The following MSI2 variants were observed in gnomAD, a reference collection of about 807,000 sequenced individuals.
MSI2 encodes the protein RNA-binding protein Musashi homolog 2.
In MSI2, 17 loss-of-function variants were observed where a neutral mutation model predicts 45.6. The observed-to-expected ratio is 0.37, with a 90% CI of 0.26 to 0.56. The LOEUF (loss-of-function observed/expected upper bound fraction) is 0.56. MSI2 is among the 20% of genes least tolerant of loss of function. MSI2 has a pLI of 0.77. For missense variants in MSI2, 293 were observed against 444.2 expected (o/e 0.66, Z 3.06); for synonymous variants, 156 against 158.2 (o/e 0.99, Z 0.11).
chr17:57,599,753 G>A (rs970433759), intron 8 of MSI2, among the ~76,000 whole-genome samples: 1 of 152,222 alleles, frequency 6.6e-6, no homozygotes, highest in African/African-American at 2.4e-5. Flanking sequence ...TCCAAGGTGG[G>A]GAGTTTAGAG....
chr17:57,482,515 G>A (rs1422142371), intron 6 of MSI2, among the ~76,000 whole-genome samples: 2 of 152,186 alleles, frequency 1.3e-5, no homozygotes, highest in Non-Finnish European at 2.9e-5. Flanking sequence ...TGTCATTCGT[G>A]TACATGGCGT....
chr17:57,489,854 A>G (rs1337647698), intron 6 of MSI2, among the ~76,000 whole-genome samples: 2 of 152,232 alleles, frequency 1.3e-5, no homozygotes, highest in Non-Finnish European at 2.9e-5. Flanking sequence ...TCTAAGTCCA[A>G]GTATCTCTTG....
At chr17:57,285,325 C>T (rs1472788269) in intron 5 of MSI2, among the ~76,000 whole-genome samples, 2 of 152,176 alleles carry the variant, frequency 1.3e-5, no homozygotes, top group African/African-American at 2.4e-5. Context: ...CTTCCAATAG[C>T]TTAGAGCAAA....
intron 12 of MSI2, among the ~76,000 whole-genome samples, chr17:57,675,547 C>A (rs531508571): frequency 6.6e-6 from 1 of 152,198 alleles, no homozygotes; most frequent in African/African-American, 2.4e-5. Flanking sequence ...CCTTGATCCC[C>A]GCTTTCTGGA....
chr17:57,551,871 G>A (rs2087314728), intron 7 of MSI2, among the ~76,000 whole-genome samples: 2 of 152,308 alleles, frequency 1.3e-5, no homozygotes, highest in East Asian at 1.9e-4. Context: ...GACCGCTCCT[G>A]TAGAAAGAGA....
At chr17:57,413,359 A>G (rs1333366590) in intron 6 of MSI2, among the ~76,000 whole-genome samples, 1 of 152,076 alleles carries the variant, frequency 6.6e-6, no homozygotes, top group South Asian at 2.1e-4. Context: ...CTCGAGTTCC[A>G]TCCGGCTACC....
chr17:57,653,890 A>T (rs1300249577), intron 11 of MSI2, among the ~76,000 whole-genome samples: 3 of 143,588 alleles, frequency 2.1e-5, no homozygotes, highest in Non-Finnish European at 1.5e-5. Flanking sequence ...TGGGAGTCCC[A>T]CCCATCCCTC....
At chr17:57,543,936 T>G (rs2087108326) in intron 7 of MSI2, among the ~76,000 whole-genome samples, 1 of 152,358 alleles carries the variant, frequency 6.6e-6, no homozygotes, top group Admixed American at 6.5e-5. Flanking sequence ...ATGTTTTTAT[T>G]TATTATGAAT....
rs1302536109 is a variant in MSI2 at position 57,280,186 on chromosome 17, C to T, written c.312+17994C>T. Among the ~76,000 whole-genome samples the T allele has an allele frequency of 6.6e-6, 1 of 152,022 alleles. No homozygotes were observed. Among genetic ancestry groups the T allele is most frequent in the Non-Finnish European group, 1.5e-5 (1 of 68,002 alleles). ...AGGAGGACAGGGGGACAGGCGAGGTCACACTTGCGTTGGCGGGGATAAAAA... is the reference window on the plus strand; with the variant it reads ...AGGAGGACAGGGGGACAGGCGAGGTTACACTTGCGTTGGCGGGGATAAAAA... On this transcript the variant is annotated intron_variant, in intron 5 of 13. Transcript: ENST00000284073. This position sits in a 1 kb window ranked among gnomAD's most constrained non-coding sequence, Gnocchi z 4.2.
chr17:57,421,609 G>T (rs746066891), intron 6 of MSI2, among the ~76,000 whole-genome samples: 28 of 152,298 alleles, frequency 1.8e-4, no homozygotes, highest in Non-Finnish European at 2.4e-4. Flanking sequence ...TAGTCCTGGT[G>T]CAGTGGCTCA....
intron 6 of MSI2, among the ~76,000 whole-genome samples, chr17:57,499,587 T>G: frequency 6.6e-6 from 1 of 152,228 alleles, no homozygotes; most frequent in Non-Finnish European, 1.5e-5. Context: ...TATCTATTGA[T>G]GCATAACAAA....
At chr17:57,265,498 T>G (rs764050551) in intron 5 of MSI2, 1 of 152,208 alleles carries the variant, frequency 6.6e-6, no homozygotes, top group African/African-American at 2.4e-5. Context: ...AGTACTGTCA[T>G]AATATTCTCT....
rs901993469 is a variant in MSI2 at position 57,425,968 on chromosome 17, A to AT, written c.405+24506dup. 4.9e-4 allele frequency among the ~76,000 whole-genome samples: 74 copies of AT among 151,500 alleles called. 1 individual carries two copies. Among genetic ancestry groups the AT allele is most frequent in the East Asian group, 1.9e-4 (1 of 5,160 alleles). ...TCCTCTGAAATTTGTCATATGGAAC[A>AT]TTTTTTTTTAATATTGAAGAGTGAG... On this transcript the variant is annotated intron_variant, in intron 6 of 13. Transcript: ENST00000284073.
At chr17:57,484,054 T>A (rs1418425447) in intron 6 of MSI2, among the ~76,000 whole-genome samples, 1 of 152,216 alleles carries the variant, frequency 6.6e-6, no homozygotes, top group Non-Finnish European at 1.5e-5. Context: ...CCAAGGTCTC[T>A]CATACTGGGT....
chr17:57,258,376 T>C, intron 4 of MSI2, 22 bp downstream of exon 4: 4 of 1,594,412 alleles, frequency 2.5e-6, no homozygotes, highest in Non-Finnish European at 3.4e-6. Flanking sequence ...TTTGTTGTTG[T>C]TGTTCGCCCC....
chr17:57,421,648 C>T lies in MSI2; in HGVS notation c.405+20177C>T, dbSNP rs576860325. On this transcript the variant is annotated intron_variant, in intron 6 of 13. Coordinates refer to ENST00000284073, the MANE Select transcript of MSI2 (RefSeq NM_138962.4). ...CTATAATCCCAAGACTTTGGAAGGC[C>T]GAGGTGGGGAGGATCGCTTGAGGCC... 1.6e-4 allele frequency among the ~76,000 whole-genome samples: 24 copies of T among 152,142 alleles called. No homozygotes were observed. The East Asian group carries it at 2.9e-3, about 18-fold the overall frequency.
In MSI2 at chr17:57,423,063, A is replaced by G. The variant is rs80124279; in HGVS notation, c.405+21592A>G. Among the ~76,000 whole-genome samples the G allele has an allele frequency of 6.1e-3, 925 of 152,308 alleles. 17 individuals carry two copies. The highest frequency in any genetic ancestry group is 0.028 in the Admixed American group (429 of 15,302). ...CATCTTGGCCTCTAGATAGGACTCT[A>G]TTCTTTAATGAGTCCTTCAGATATG... On this transcript the variant is annotated intron_variant, in intron 6 of 13. Coordinates refer to ENST00000284073, the MANE Select transcript of MSI2 (RefSeq NM_138962.4).
chr17:57,540,755 A>G (rs771967903), intron 7 of MSI2, among the ~76,000 whole-genome samples: 1 of 152,240 alleles, frequency 6.6e-6, no homozygotes, highest in South Asian at 2.1e-4. Context: ...TGAGCCTTCA[A>G]GAGGGCATGG....
At chr17:57,582,851 C>A (rs1390479916) in intron 7 of MSI2, among the ~76,000 whole-genome samples, 1 of 151,962 alleles carries the variant, frequency 6.6e-6, no homozygotes. Flanking sequence ...GTTCTGTTTC[C>A]GGATTTTAAA....
Sources: gnomAD v4.1 joint callset for allele counts (sites outside exome capture counted in the v4.1 genomes callset) on GRCh38, gnomAD v4.1.1 for gene constraint, Gnocchi (gnomAD v3.1) non-coding constraint, MANE v1.5 for transcripts, NCBI Gene and HGNC (gene_info 2026-07-23, HGNC 2026-07-21) for gene names.